Variants in DNHD1 observed in about 807,000 individuals in gnomAD.
The protein encoded by DNHD1 is dynein heavy chain domain 1, also known as dynein heavy chain domain-containing protein 1.
DNHD1 carries 383 observed loss-of-function variants against 458.1 expected under a neutral mutation model. The ratio of observed to expected loss-of-function variants is 0.84; its 90% CI spans 0.77 to 0.91. DNHD1 has a LOEUF of 0.91. DNHD1 is among the 40% of genes least tolerant of loss of function. The pLI is 0.00. For synonymous variants in DNHD1, 2,203 were observed against 2,376.9 expected, an observed-to-expected ratio of 0.93 and a Z score of 2.13; for missense variants, 5,336 against 5,866.1, an observed-to-expected ratio of 0.91 and a Z score of 2.95.
chr11:6,547,297 C>T lies in DNHD1; in HGVS notation c.6358C>T (p.Pro2120Ser). The change falls in exon 21 of 43, where the codon CCA becomes TCA. Residue 2120 changes from proline to serine, a missense_variant. By Grantham distance (74) the Pro-to-Ser change is moderately conservative (BLOSUM62 -1). Around this residue, in one of 4 missense-constraint regions of DNHD1, gnomAD observed 3,932 missense variants for 4,365.6 expected, o/e 0.90. Coordinates refer to ENST00000254579, the MANE Select transcript of DNHD1 (RefSeq NM_144666.3). Reference sequence around the variant, plus strand: ...CAGTGGACAGCAGATAGCACGACCCCCAGGCACCTTTCTCTTGATGGAGGT... The same window carrying T: ...CAGTGGACAGCAGATAGCACGACCCTCAGGCACCTTTCTCTTGATGGAGGT... ...LPSGQQIARPPGTFLLMEVAD... is the reference protein window; with the variant it reads ...LPSGQQIARPSGTFLLMEVAD... The T allele has an allele frequency of 6.4e-7, 1 of 1,551,826 alleles. No homozygotes were observed. The highest frequency in any genetic ancestry group is 8.7e-7 in the Non-Finnish European group (1 of 1,147,006).
chr11:6,502,961 CT>C, intron 4 of DNHD1, 35 bp downstream of exon 4: 1 of 1,604,460 alleles, frequency 6.2e-7, no homozygotes, highest in Non-Finnish European at 8.5e-7. Context: ...TCTCCTCCCC[CT>C]GCCTGGTTTC....
rs547231840 is a variant in DNHD1, at chr11:6,568,532, G to C, written c.12617G>C (p.Arg4206Pro). ...GTAAGCACTGTTCACAGAGATTTTC[G>C]TCTTTGGCTTATTGTGCCTGCAGAG... ...RNVSTVHRDF[R>P]LWLIVPAESS... Residue 4206 changes from arginine (R) to proline (P), a missense_variant, in exon 38 of 43, where the codon CGT becomes CCT. This residue lies in a region of DNHD1 where 695 missense variants were observed against 804.2 expected (regional missense o/e 0.86). Transcript: ENST00000254579. 84 of 1,613,984 alleles carry C rather than the reference G, an allele frequency of 5.2e-5. No individual in the cohort carries two copies. The highest frequency in any genetic ancestry group is 2.5e-4 in the Admixed American group (15 of 60,020).
chr11:6,543,307 C>T (rs149043338), intron 18 of DNHD1, among the ~76,000 whole-genome samples: 1 of 152,342 alleles, frequency 6.6e-6, no homozygotes, highest in Non-Finnish European at 1.5e-5. Flanking sequence ...TTACCAAGCA[C>T]TTGTGGCATG....
chr11:6,561,357 G>A (rs1488190268), intron 28 of DNHD1, among the ~76,000 whole-genome samples: 2 of 152,178 alleles, frequency 1.3e-5, no homozygotes. Context: ...GAGCCTGGGA[G>A]GTTGAAGCTG....
chr11:6,540,403 C>T (rs955153693), intron 18 of DNHD1, among the ~76,000 whole-genome samples: 5 of 152,210 alleles, frequency 3.3e-5, no homozygotes, highest in Non-Finnish European at 5.9e-5. Flanking sequence ...CTCTAGATTG[C>T]ACCCTGCTGT....
chr11:6,512,436 A>G (rs191557943), intron 7 of DNHD1, among the ~76,000 whole-genome samples: 3 of 151,620 alleles, frequency 2.0e-5, no homozygotes, highest in South Asian at 4.2e-4. Flanking sequence ...GTTAGCCAGG[A>G]TGGTCTTGAT....
chr11:6,557,493 CT>C lies in DNHD1; in HGVS notation c.8200del (p.Tyr2734MetfsTer16). 1 of 1,551,682 alleles carries C rather than the reference CT, an allele frequency of 6.4e-7. No homozygotes were observed. Among genetic ancestry groups the C allele is most frequent in the Non-Finnish European group, 8.7e-7 (1 of 1,147,004 alleles). On this transcript the variant is annotated frameshift_variant, in exon 25 of 43. Transcript: ENST00000254579. LOFTEE classifies it high-confidence loss of function. Reference sequence around the variant, plus strand: ...AGTGAAACAGAGGAGGAAGAGGAACCTTATGGCCTTCAGGTCGCCAGAGTCT... The same window carrying C: ...AGTGAAACAGAGGAGGAAGAGGAACCTATGGCCTTCAGGTCGCCAGAGTCT... ...SNSETEEEEE[P>X]YGLQVARVSN...
At chr11:6,549,345 C>G (rs1014713913) in intron 24 of DNHD1, among the ~76,000 whole-genome samples, 14 of 152,224 alleles carry the variant, frequency 9.2e-5, no homozygotes, top group African/African-American at 3.4e-4. Flanking sequence ...TTCTCCTTCA[C>G]CAATATCCAG....
chr11:6,545,782 A>G lies in DNHD1; in HGVS notation c.4843A>G (p.Ile1615Val). ...LKYHLGSPHI[I>V]PKSPLQSLKT... Reference sequence around the variant, plus strand: ...GTATCACTTGGGTTCACCTCACATAATCCCCAAAAGCCCCCTACAGAGTCT... The same window carrying G: ...GTATCACTTGGGTTCACCTCACATAGTCCCCAAAAGCCCCCTACAGAGTCT... The change falls in exon 21 of 43, where the codon ATC becomes GTC. Residue 1615 changes from isoleucine to valine, a missense_variant. Around this residue, in one of 4 missense-constraint regions of DNHD1, gnomAD observed 3,932 missense variants for 4,365.6 expected, o/e 0.90. Coordinates refer to ENST00000254579, the MANE Select transcript of DNHD1 (RefSeq NM_144666.3). The surrounding 1 kb of genome is among the most constrained non-coding windows in gnomAD (Gnocchi z 4.9). 1.9e-6 allele frequency: 3 copies of G among 1,551,720 alleles called. No homozygotes were observed.
At chr11:6,565,585 A>G in intron 32 of DNHD1, 110 bp from the exon 33 acceptor site, 8 of 1,199,076 alleles carry the variant, frequency 6.7e-6, no homozygotes, top group Non-Finnish European at 9.2e-6. Context: ...CTTTCCTAAG[A>G]TGTCTTCCTG....
At chr11:6,535,061 C>T (rs1372483602) in intron 14 of DNHD1, among the ~76,000 whole-genome samples, 1 of 152,144 alleles carries the variant, frequency 6.6e-6, no homozygotes, top group Non-Finnish European at 1.5e-5. Flanking sequence ...TTCCAGAATT[C>T]TTATATGTAT....
intron 14 of DNHD1, 91 bp from the exon 15 acceptor site, chr11:6,538,292 T>G: frequency 8.5e-7 from 1 of 1,174,164 alleles, no homozygotes; most frequent in Non-Finnish European, 1.2e-6. Flanking sequence ...GGACCCTACC[T>G]TCTGTCATTA....
At position 6,548,592 on chromosome 11, in the gene DNHD1, G is replaced by C; in HGVS notation, c.7099-53G>C. On this transcript the variant is annotated intron_variant, in intron 23 of 42. Coordinates refer to ENST00000254579, the MANE Select transcript of DNHD1 (RefSeq NM_144666.3). The surrounding 1 kb of genome is among the most constrained non-coding windows in gnomAD (Gnocchi z 4.4). ...TCCCTTAGACTTTTATTTTCAGCTA[G>C]ATTACTGTCTTATACTGGAGGTGCT... The C allele has an allele frequency of 6.5e-7, 1 of 1,541,224 alleles. No individual in the cohort carries two copies. The highest frequency in any genetic ancestry group is 2.4e-5 in the East Asian group (1 of 40,880).
At chr11:6,498,992 C>A in intron 3 of DNHD1, 31 bp downstream of exon 3, 1 of 1,536,400 alleles carries the variant, frequency 6.5e-7, no homozygotes, top group Non-Finnish European at 8.7e-7. Flanking sequence ...AGGGCTTGAG[C>A]AGAGGAGAAA....
At chr11:6,559,333 A>G in intron 28 of DNHD1, 50 bp downstream of exon 28, 1 of 1,481,202 alleles carries the variant, frequency 6.8e-7, no homozygotes, top group Non-Finnish European at 9.2e-7. Flanking sequence ...GCAGGAGCCC[A>G]AAGGGGACTT....
intron 13 of DNHD1, 139 bp from the exon 14 acceptor site, chr11:6,533,542 G>C: frequency 9.3e-7 from 1 of 1,072,404 alleles, no homozygotes. Flanking sequence ...AGGAGAGATT[G>C]CCCCTGATTC....
chr11:6,519,531 C>T, intron 7 of DNHD1, 69 bp from the exon 8 acceptor site: 6 of 1,571,380 alleles, frequency 3.8e-6, no homozygotes, highest in Non-Finnish European at 5.2e-6. Context: ...TGAGAGTTTG[C>T]ACAGACTAGT....
rs1357969162 is a variant in DNHD1 at position 6,560,059 on chromosome 11, C to CA, written c.9519+779dup. Among the ~76,000 whole-genome samples the CA allele has an allele frequency of 2.0e-5, 3 of 152,292 alleles. No individual in the cohort carries two copies. The East Asian group carries it at 5.8e-4, about 29-fold the overall frequency. ...TAGGGCTTATCACACCTTCTAAAGC[C>CA]AAATACTCCTAGTTAAAGGTGTCTT... On this transcript the variant is annotated intron_variant, in intron 28 of 42. Transcript: ENST00000254579.
Position 6,570,021 on chromosome 11 carries a change from T to A in DNHD1, c.12876T>A (p.Thr4292=). 6.2e-7 allele frequency: 1 copy of A among 1,613,894 alleles called. No individual in the cohort carries two copies. The highest frequency in any genetic ancestry group is 8.5e-7 in the Non-Finnish European group (1 of 1,179,844). ...TCCCCTTCTCTAGGAGTCAAGTGAC[T>A]CTAACCCAGGTTCTTCAGACCCAAG... ...QAHRGRWSQV[T]LTQVLQTQDQ... Residue 4292 remains threonine, a synonymous_variant, in exon 40 of 43, where the codon ACT becomes ACA. Transcript: ENST00000254579.
Sources: gnomAD v4.1 joint callset for allele counts (sites outside exome capture counted in the v4.1 genomes callset) on GRCh38, gnomAD v4.1.1 for gene constraint, gnomAD v4.1.1 regional missense constraint, Gnocchi (gnomAD v3.1) non-coding constraint, MANE v1.5 for transcripts, NCBI Gene and HGNC (gene_info 2026-07-23, HGNC 2026-07-21) for gene names.